The following LOC400499 variants were observed in gnomAD, a reference collection of about 807,000 sequenced individuals.
the LOC400499 span, among the ~76,000 whole-genome samples, chr16:11,376,522 T>C: frequency 6.6e-6 from 1 of 152,356 alleles, no homozygotes; most frequent in East Asian, 1.9e-4. Flanking sequence ...AGTTTCTTTC[T>C]AGACTCTGTA....
At chr16:11,485,160 A>G in the LOC400499 span, 1 of 398,174 alleles carries the variant, frequency 2.5e-6, no homozygotes, top group Non-Finnish European at 4.4e-6. Context: ...TGAATGGAGG[A>G]CCCAGAAGGC....
chr16:11,410,639 C>G, the LOC400499 span, among the ~76,000 whole-genome samples: 5 of 152,112 alleles, frequency 3.3e-5, no homozygotes, highest in Admixed American at 6.5e-5. Context: ...AACATGGTGG[C>G]TGGTAGGAAA....
the LOC400499 span, among the ~76,000 whole-genome samples, chr16:11,391,136 G>A: frequency 6.6e-6 from 1 of 152,264 alleles, no homozygotes; most frequent in Non-Finnish European, 1.5e-5. Flanking sequence ...AGGATCGGGA[G>A]GTAACATTCA....
the LOC400499 span, among the ~76,000 whole-genome samples, chr16:11,419,309 A>G: frequency 6.6e-6 from 1 of 152,088 alleles, no homozygotes; most frequent in African/African-American, 2.4e-5. Flanking sequence ...ATCTACAACT[A>G]TCTGATCTTT....
chr16:11,478,683 C>G, the LOC400499 span: 5 of 399,166 alleles, frequency 1.3e-5, no homozygotes, highest in East Asian at 1.8e-4. Flanking sequence ...GCCTCCGGGT[C>G]ACCTGGGGGA....
chr16:11,502,635 G>T, the LOC400499 span, among the ~76,000 whole-genome samples: 19 of 142,678 alleles, frequency 1.3e-4, no homozygotes, highest in Non-Finnish European at 2.6e-4. Context: ...TTTTTTTTGA[G>T]ACGGAGTCTC....
At chr16:11,407,962 C>T in the LOC400499 span, among the ~76,000 whole-genome samples, 2 of 141,722 alleles carry the variant, frequency 1.4e-5, no homozygotes, top group East Asian at 2.1e-4. Flanking sequence ...GGAAGATGTT[C>T]CAGAGCTGTT....
At chr16:11,466,827 G>C in the LOC400499 span, among the ~76,000 whole-genome samples, 4 of 152,056 alleles carry the variant, frequency 2.6e-5, no homozygotes, top group African/African-American at 9.7e-5. Context: ...TATTTAGATT[G>C]AATTAATCTC....
the LOC400499 span, chr16:11,393,554 A>T: frequency 8.1e-7 from 1 of 1,232,430 alleles, no homozygotes; most frequent in Non-Finnish European, 1.0e-6. Context: ...CCTTGGAGCC[A>T]CGAAGCTGGG....
the LOC400499 span, among the ~76,000 whole-genome samples, chr16:11,386,653 G>T: frequency 1.3e-5 from 2 of 152,184 alleles, no homozygotes; most frequent in African/African-American, 4.8e-5. Context: ...AGCAAATAGA[G>T]TCCCACAGGT....
chr16:11,515,594 G>A, the LOC400499 span, among the ~76,000 whole-genome samples: 9 of 150,856 alleles, frequency 6.0e-5, no homozygotes, highest in African/African-American at 2.0e-4. Flanking sequence ...GGGAAGGGAG[G>A]AGAGGAGGTA....
At chr16:11,500,211 T>C in the LOC400499 span, among the ~76,000 whole-genome samples, 1 of 152,126 alleles carries the variant, frequency 6.6e-6, no homozygotes, top group Admixed American at 6.5e-5. Context: ...ATCCTCCTTA[T>C]AGAGACCAGA....
chr16:11,452,679 A>G, the LOC400499 span, among the ~76,000 whole-genome samples: 2 of 152,148 alleles, frequency 1.3e-5, no homozygotes, highest in Admixed American at 6.5e-5. Context: ...TTCCATGAGG[A>G]CAGGGCCAGG....
chr16:11,522,688 C>T, the LOC400499 span, among the ~76,000 whole-genome samples: 1 of 152,236 alleles, frequency 6.6e-6, no homozygotes, highest in Non-Finnish European at 1.5e-5. Context: ...AACTAACTTA[C>T]ACAATCCGCA....
chr16:11,442,428 G>C, the LOC400499 span: 8 of 152,182 alleles, frequency 5.3e-5, no homozygotes, highest in African/African-American at 1.9e-4. Flanking sequence ...TCACCATGTT[G>C]GTCAGGCTGG....
the LOC400499 span, among the ~76,000 whole-genome samples, chr16:11,394,772 G>T: frequency 1.1e-4 from 16 of 152,188 alleles, no homozygotes; most frequent in African/African-American, 3.9e-4. Context: ...TGCCACCACA[G>T]CCGTGGGTCC....
At chr16:11,455,436 G>T in the LOC400499 span, among the ~76,000 whole-genome samples, 1 of 151,984 alleles carries the variant, frequency 6.6e-6, no homozygotes, top group African/African-American at 2.4e-5. Context: ...ACTGTTTTAA[G>T]CAAGACTTGG....
At chr16:11,518,586 C>T in the LOC400499 span, among the ~76,000 whole-genome samples, 1 of 152,052 alleles carries the variant, frequency 6.6e-6, no homozygotes, top group Non-Finnish European at 1.5e-5. Context: ...GGGTCACAGG[C>T]AGAACTACGG....
At chr16:11,422,171 C>G in the LOC400499 span, among the ~76,000 whole-genome samples, 1 of 152,192 alleles carries the variant, frequency 6.6e-6, no homozygotes, top group African/African-American at 2.4e-5. Flanking sequence ...GAGGCCGAAA[C>G]GGGCCGATCA....
Sources: allele counts gnomAD v4.1 joint callset (sites outside exome capture counted in the v4.1 genomes callset), GRCh38; gene constraint gnomAD v4.1.1; transcripts MANE v1.5.